The following PAK2 variants were observed in gnomAD, a reference collection of about 807,000 sequenced individuals.
The protein encoded by PAK2 is serine/threonine-protein kinase PAK 2.
Under a neutral mutation model 65.9 loss-of-function variants are expected in PAK2, and 21 were observed. That is an observed-to-expected ratio of 0.32 (90% CI 0.23 to 0.46). The LOEUF (loss-of-function observed/expected upper bound fraction) is 0.46. PAK2 is among the 20% of genes least tolerant of loss of function. PAK2 has a pLI of 1.00. For missense variants in PAK2, 324 were observed against 642.6 expected (o/e 0.50, Z 5.36); for synonymous variants, 204 against 219.7 (o/e 0.93, Z 0.63).
At chr3:196,773,707 C>A (rs1380911612) in intron 1 of PAK2, among the ~76,000 whole-genome samples, 1 of 152,014 alleles carries the variant, frequency 6.6e-6, no homozygotes, top group Non-Finnish European at 1.5e-5. Flanking sequence ...GAAACCCCAT[C>A]TCTACTCAAA....
intron 1 of PAK2, among the ~76,000 whole-genome samples, chr3:196,742,333 C>T (rs1217442804): frequency 9.2e-5 from 14 of 152,118 alleles, no homozygotes; most frequent in Non-Finnish European, 1.0e-4. Context: ...GGTCATCTGC[C>T]CGCCTCAGCC....
At chr3:196,751,898 ACT>A (rs1208963559) in intron 1 of PAK2, among the ~76,000 whole-genome samples, 1 of 150,170 alleles carries the variant, frequency 6.7e-6, no homozygotes, top group African/African-American at 2.5e-5. Context: ...GCATGCCACC[ACT>A]CTCAGCTAAT....
At chr3:196,765,179 G>C (rs1187989953) in intron 1 of PAK2, among the ~76,000 whole-genome samples, 2 of 125,936 alleles carry the variant, frequency 1.6e-5, no homozygotes, top group African/African-American at 6.3e-5. Context: ...ACAGGGTCTC[G>C]CTCTGTCACC....
chr3:196,750,380 C>T (rs1402820475), intron 1 of PAK2, among the ~76,000 whole-genome samples: 1 of 151,920 alleles, frequency 6.6e-6, no homozygotes, highest in African/African-American at 2.4e-5. Flanking sequence ...TATTTTTTTT[C>T]TAAGTCTGTG....
intron 1 of PAK2, among the ~76,000 whole-genome samples, chr3:196,773,636 G>A (rs1714445112): frequency 6.6e-6 from 1 of 152,140 alleles, no homozygotes; most frequent in Non-Finnish European, 1.5e-5. Context: ...AGCACTTTGG[G>A]AGGCCGAGGT....
chr3:196,740,851 AACAC>A (rs200561579), intron 1 of PAK2, among the ~76,000 whole-genome samples: 3 of 152,128 alleles, frequency 2.0e-5, no homozygotes, highest in East Asian at 1.9e-4. Context: ...CTCTCTTGGA[AACAC>A]ACGCACGCAC....
intron 7 of PAK2, among the ~76,000 whole-genome samples, chr3:196,808,666 T>C (rs1273329698): frequency 6.6e-6 from 1 of 150,536 alleles, no homozygotes; most frequent in Admixed American, 6.6e-5. Context: ...GGAGCAAGAC[T>C]AGCCTGGCCA....
At position 196,769,472 on chromosome 3, in the gene PAK2, A is replaced by G. The variant is rs551587086; in HGVS notation, c.-21-13154A>G. On this transcript the variant is annotated intron_variant, in intron 1 of 14. Coordinates refer to ENST00000327134, the MANE Select transcript of PAK2 (RefSeq NM_002577.4). Reference sequence around the variant, plus strand: ...TAAGTATATTCAATGTTGTACAACCATCACCACCATCCTTTTCCAGAGCAT... The same window carrying G: ...TAAGTATATTCAATGTTGTACAACCGTCACCACCATCCTTTTCCAGAGCAT... Among the ~76,000 whole-genome samples the G allele has an allele frequency of 4.6e-5, 7 of 152,108 alleles. No individual in the cohort carries two copies. In the South Asian group the frequency reaches 1.2e-3, roughly 27 times the overall value.
intron 2 of PAK2, among the ~76,000 whole-genome samples, chr3:196,784,267 G>C (rs1182966504): frequency 8.7e-6 from 1 of 114,940 alleles, no homozygotes; most frequent in Non-Finnish European, 1.8e-5. Context: ...GGGTACATGT[G>C]CACATTGTGC....
At position 196,820,829 on chromosome 3, in the gene PAK2, TCTC is replaced by T. The variant is rs745413139; in HGVS notation, c.1350+265_1350+267del. 1.2e-4 allele frequency among the ~76,000 whole-genome samples: 18 copies of T among 152,076 alleles called. No individual in the cohort carries two copies. The highest frequency in any genetic ancestry group is 2.2e-4 in the Non-Finnish European group (15 of 68,008). Reference sequence around the variant, plus strand: ...GTTTGGAGCACCTGTCTCTAAAGCTTCTCCTTCTTTTATTTTTTAAGATGTTTT... The same window carrying T: ...GTTTGGAGCACCTGTCTCTAAAGCTTCTTCTTTTATTTTTTAAGATGTTTT... On this transcript the variant is annotated intron_variant, in intron 13 of 14. Transcript: ENST00000327134. The surrounding 1 kb of genome is among the most constrained non-coding windows in gnomAD (Gnocchi z 4.6).
At chr3:196,759,498 GTTTTTTTTTTTTTTTTT>G (rs71301221) in intron 1 of PAK2, among the ~76,000 whole-genome samples, 162 of 108,092 alleles carry the variant, frequency 1.5e-3, no homozygotes, top group Non-Finnish European at 2.3e-3. Context: ...GGTTTTTTTT[GTTTTTTTTTTTTTTTTT>G]TTTTTTTTTT....
At chr3:196,804,790 A>G (rs566030581) in intron 4 of PAK2, among the ~76,000 whole-genome samples, 55 of 133,198 alleles carry the variant, frequency 4.1e-4, no homozygotes, top group Non-Finnish European at 7.6e-4. Flanking sequence ...AATATGTGAT[A>G]TGTGTGTGTG....
At position 196,802,036 on chromosome 3, in the gene PAK2, A is replaced by T; in HGVS notation, c.288+9A>T. On this transcript the variant is annotated intron_variant, in intron 3 of 14. Transcript: ENST00000327134. Reference sequence around the variant, plus strand: ...TTACTGGAGAATTCACTGTAAGTTAACCTAGTTCGGGCCCATTTATAACGT... The same window carrying T: ...TTACTGGAGAATTCACTGTAAGTTATCCTAGTTCGGGCCCATTTATAACGT... 1 of 1,411,148 alleles carries T rather than the reference A, an allele frequency of 7.1e-7. No homozygotes were observed. Among genetic ancestry groups the T allele is most frequent in the Non-Finnish European group, 1.0e-6 (1 of 995,698 alleles). 87.4% of individuals were successfully genotyped at this position (1,411,148 alleles called of 1,614,324 possible).
At chr3:196,794,425 C>T (rs78407353) in intron 2 of PAK2, among the ~76,000 whole-genome samples, 2,263 of 152,306 alleles carry the variant, frequency 0.015, 98 homozygotes, top group Admixed American at 0.093. Flanking sequence ...GAACTCCAGG[C>T]ATGCTGTAAG....
rs1712045699 is a variant in PAK2 at position 196,830,674 on chromosome 3, T to C, written c.*2269T>C. ...TCCATTGCTGGCAACTGACTTGTCA[T>C]TAAAACCTGGCTCTTTGGTTAAGGG... On this transcript the variant is annotated 3_prime_UTR_variant, in exon 15 of 15. Transcript: ENST00000327134. The C allele has an allele frequency of 6.6e-6, 1 of 152,232 alleles. No homozygotes were observed. Among genetic ancestry groups the C allele is most frequent in the Non-Finnish European group, 1.5e-5 (1 of 68,038 alleles). The allele number at this position is 152,232 out of a possible 1,614,324, so 9.4% of individuals were successfully genotyped here.
intron 10 of PAK2, among the ~76,000 whole-genome samples, chr3:196,813,052 A>G (rs1032146794): frequency 5.3e-5 from 8 of 152,144 alleles, no homozygotes; most frequent in African/African-American, 1.9e-4. Context: ...AGGTGAGAGA[A>G]GGCAGTTAAT....
chr3:196,792,976 G>A (rs1715122187), intron 2 of PAK2, among the ~76,000 whole-genome samples: 1 of 152,152 alleles, frequency 6.6e-6, no homozygotes, highest in South Asian at 2.1e-4. Context: ...GAATCTGTGA[G>A]AAGGGAAACA....
At chr3:196,755,979 C>T (rs1713755531) in intron 1 of PAK2, among the ~76,000 whole-genome samples, 1 of 152,094 alleles carries the variant, frequency 6.6e-6, no homozygotes, top group Non-Finnish European at 1.5e-5. Flanking sequence ...TGGTGTTGAA[C>T]TCTTGACCTC....
At chr3:196,765,206 G>A (rs1714123829) in intron 1 of PAK2, among the ~76,000 whole-genome samples, 1 of 146,346 alleles carries the variant, frequency 6.8e-6, no homozygotes, top group Non-Finnish European at 1.5e-5. Context: ...GGAGTGCAGT[G>A]GCGTGATCTC....
Sources: gnomAD v4.1 joint callset for allele counts (sites outside exome capture counted in the v4.1 genomes callset) on GRCh38, gnomAD v4.1.1 for gene constraint, Gnocchi (gnomAD v3.1) non-coding constraint, MANE v1.5 for transcripts, NCBI Gene and HGNC (gene_info 2026-07-23, HGNC 2026-07-21) for gene names.